The following HIVEP3 variants were observed in gnomAD, a reference collection of about 807,000 sequenced individuals.
HIVEP3 encodes the protein HIVEP zinc finger 3, also known as transcription factor HIVEP3.
HIVEP3 carries 49 observed loss-of-function variants against 152.8 expected under a neutral mutation model. The observed-to-expected ratio is 0.32, with a 90% CI of 0.26 to 0.41. The LOEUF is 0.41. Ranked by LOEUF, HIVEP3 falls within the 10% of genes least tolerant of loss-of-function variation. The pLI, the probability that HIVEP3 is intolerant of heterozygous loss-of-function variation, is 1.00. For synonymous variants in HIVEP3, 1,269 were observed against 1,289.0 expected, an observed-to-expected ratio of 0.98 and a Z score of 0.33; for missense variants, 2,790 against 3,103.3, an observed-to-expected ratio of 0.90 and a Z score of 2.40.
At chr1:41,911,156 A>G (rs1256708999) in intron 1 of HIVEP3, among the ~76,000 whole-genome samples, 9 of 152,170 alleles carry the variant, frequency 5.9e-5, no homozygotes. Flanking sequence ...CAAATAAATA[A>G]GAGAGATGTA....
intron 2 of HIVEP3, among the ~76,000 whole-genome samples, chr1:41,663,941 T>C (rs992713901): frequency 3.3e-5 from 5 of 152,148 alleles, no homozygotes; most frequent in Admixed American, 6.5e-5. Flanking sequence ...AGGACCACAC[T>C]TCCTGATCTG....
chr1:41,656,033 T>C (rs1306446794), intron 2 of HIVEP3, among the ~76,000 whole-genome samples: 1 of 152,158 alleles, frequency 6.6e-6, no homozygotes, highest in East Asian at 1.9e-4. Flanking sequence ...AGAAAAAAAA[T>C]AGGGTAATGC....
At chr1:41,857,290 T>A (rs1643794537) in intron 1 of HIVEP3, among the ~76,000 whole-genome samples, 1 of 152,156 alleles carries the variant, frequency 6.6e-6, no homozygotes, top group Non-Finnish European at 1.5e-5. Context: ...CCCTCCATGC[T>A]TAGAAGACAA....
At chr1:41,557,458 G>A (rs781613996) in intron 5 of HIVEP3, among the ~76,000 whole-genome samples, 23 of 152,172 alleles carry the variant, frequency 1.5e-4, no homozygotes, top group Non-Finnish European at 2.5e-4. Context: ...ACACTGCACT[G>A]GGCTTTGAAG....
At chr1:41,907,869 G>T (rs971250008) in intron 1 of HIVEP3, among the ~76,000 whole-genome samples, 5 of 152,202 alleles carry the variant, frequency 3.3e-5, no homozygotes, top group African/African-American at 1.2e-4. Flanking sequence ...AAGGGGAGCT[G>T]GGGATGCCAG....
At chr1:41,560,365 A>T (rs1569905514) in intron 5 of HIVEP3, among the ~76,000 whole-genome samples, 1 of 152,194 alleles carries the variant, frequency 6.6e-6, no homozygotes, top group East Asian at 1.9e-4. Flanking sequence ...CTCAGAGGGC[A>T]GGTCTTCAAG....
chr1:41,845,771 A>C (rs1643426689), intron 1 of HIVEP3, among the ~76,000 whole-genome samples: 1 of 152,198 alleles, frequency 6.6e-6, no homozygotes, highest in Non-Finnish European at 1.5e-5. Flanking sequence ...TGTTTAATTA[A>C]AAATAAAATT....
intron 1 of HIVEP3, among the ~76,000 whole-genome samples, chr1:41,969,710 G>A (rs193207112): frequency 2.9e-4 from 44 of 152,164 alleles, no homozygotes; most frequent in Non-Finnish European, 2.4e-4. Context: ...TGACAAATGC[G>A]ATCTAATTAA....
intron 5 of HIVEP3, among the ~76,000 whole-genome samples, chr1:41,544,652 TACCACCACTACTAC>T (rs1558045427): frequency 2.1e-4 from 21 of 100,356 alleles, no homozygotes; most frequent in African/African-American, 7.8e-4. Context: ...CCACCACCAC[TACCACCACTACTAC>T]CACCACCACC....
chr1:41,637,133 G>T (rs1645287279), intron 2 of HIVEP3, among the ~76,000 whole-genome samples: 1 of 152,138 alleles, frequency 6.6e-6, no homozygotes, highest in African/African-American at 2.4e-5. Context: ...AATGTATGTT[G>T]ACTCGGCAGC....
At chr1:41,675,882 G>A (rs1020558409) in intron 2 of HIVEP3, among the ~76,000 whole-genome samples, 8 of 152,158 alleles carry the variant, frequency 5.3e-5, no homozygotes, top group African/African-American at 1.9e-4. Context: ...CGGCTCCAGG[G>A]TGTGTCCACA....
In HIVEP3 at chr1:41,508,441, G is replaced by A. The variant is rs1644406171; in HGVS notation, c.*2010C>T. ...AGGCTGGGCTTGCTGCTTCTCTTGG[G>A]GAGGATGAGAGCCCTAGTCTCTGAG... On this transcript the variant is annotated 3_prime_UTR_variant, in exon 9 of 9. Coordinates refer to ENST00000372583, the MANE Select transcript of HIVEP3 (RefSeq NM_024503.5). 1 of 152,252 alleles carries A rather than the reference G, an allele frequency of 6.6e-6. No homozygotes were observed. The highest frequency in any genetic ancestry group is 2.4e-5 in the African/African-American group (1 of 41,420). 9.4% of individuals were successfully genotyped at this position (152,252 alleles called of 1,614,324 possible).
chr1:41,681,233 A>G (rs1646034076), intron 2 of HIVEP3, among the ~76,000 whole-genome samples: 2 of 152,158 alleles, frequency 1.3e-5, no homozygotes, highest in Admixed American at 6.5e-5. Context: ...AGCTGGGACT[A>G]CAGGTGTGCA....
At chr1:41,516,651 C>A (rs959725418) in intron 7 of HIVEP3, among the ~76,000 whole-genome samples, 2 of 152,224 alleles carry the variant, frequency 1.3e-5, no homozygotes, top group Non-Finnish European at 1.5e-5. Context: ...GGGCACCCCC[C>A]CATGCCCTTC....
chr1:41,686,864 T>A (rs760669807), intron 2 of HIVEP3, among the ~76,000 whole-genome samples: 31 of 152,304 alleles, frequency 2.0e-4, no homozygotes, highest in Non-Finnish European at 4.6e-4. Context: ...AGGAGCATGG[T>A]AAGAATGGAT....
chr1:41,824,735 C>T (rs1214071060), intron 1 of HIVEP3, among the ~76,000 whole-genome samples: 1 of 107,346 alleles, frequency 9.3e-6, no homozygotes, highest in Non-Finnish European at 1.8e-5. Context: ...AGCCCTGTTC[C>T]AAGTTAAATA....
In HIVEP3 at chr1:41,662,339, C is replaced by G. The variant is rs962258388; in HGVS notation, c.-720-33392G>C. The G allele has an allele frequency of 2.1e-5, 3 of 145,320 alleles. No homozygotes were observed. In the South Asian group the frequency reaches 6.3e-4, roughly 31 times the overall value. The allele number at this position is 145,320 out of a possible 1,614,324, so 9.0% of individuals were successfully genotyped here. A position where few individuals can be genotyped will look rare whatever the true frequency, so the allele number is the denominator to read the frequency against. ...GGCGCGGGGCGGGCTGGCGGGCGGGCGCCGGCGGCGGGCGCGGCTCCGGGC... is the reference window on the plus strand; with the variant it reads ...GGCGCGGGGCGGGCTGGCGGGCGGGGGCCGGCGGCGGGCGCGGCTCCGGGC... On this transcript the variant is annotated intron_variant, in intron 2 of 8. Transcript: ENST00000372583. The surrounding 1 kb of genome is among the most constrained non-coding windows in gnomAD (Gnocchi z 7.2).
In HIVEP3 at chr1:41,582,425, TCTC is replaced by T; in HGVS notation, c.2370_2372del (p.Arg791del). On this transcript the variant is annotated inframe_deletion, in exon 4 of 9. Coordinates refer to ENST00000372583, the MANE Select transcript of HIVEP3 (RefSeq NM_024503.5). This position sits in a 1 kb window ranked among gnomAD's most constrained non-coding sequence, Gnocchi z 4.7. ...TGACAGAAATTTCTTTGGACGTTGT[TCTC>T]CTCTCCTTCCCTGATTCTGAACCGG... The T allele has an allele frequency of 1.9e-6, 3 of 1,614,192 alleles. No homozygotes were observed. Among genetic ancestry groups the T allele is most frequent in the African/African-American group, 1.3e-5 (1 of 75,044 alleles).
intron 1 of HIVEP3, among the ~76,000 whole-genome samples, chr1:41,734,747 G>A (rs1646891881): frequency 6.6e-6 from 1 of 152,194 alleles, no homozygotes; most frequent in Non-Finnish European, 1.5e-5. Flanking sequence ...GCCAGCCCCG[G>A]GGCAGGACGG....
Sources: allele counts gnomAD v4.1 joint callset (sites outside exome capture counted in the v4.1 genomes callset), GRCh38; gene constraint gnomAD v4.1.1; non-coding constraint Gnocchi (gnomAD v3.1); transcripts MANE v1.5; gene names NCBI Gene and HGNC (gene_info 2026-07-23, HGNC 2026-07-21).